The following INVS variants were observed in gnomAD, a reference collection of about 807,000 sequenced individuals.
INVS encodes the protein inversin.
A neutral mutation model predicts 108.8 loss-of-function variants in INVS; 86 were observed. The ratio of observed to expected loss-of-function variants is 0.79; its 90% CI spans 0.66 to 0.95. The LOEUF (loss-of-function observed/expected upper bound fraction) is 0.95, where lower values mean the gene tolerates loss of function less well. INVS is among the 40% of genes least tolerant of loss of function. INVS has a pLI of 0.00. For synonymous variants in INVS, 455 were observed against 473.5 expected, an observed-to-expected ratio of 0.96 and a Z score of 0.51; for missense variants, 1,169 against 1,297.4, an observed-to-expected ratio of 0.90 and a Z score of 1.52.
intron 10 of INVS, among the ~76,000 whole-genome samples, chr9:100,260,346 C>T (rs1297206939): frequency 6.6e-6 from 1 of 151,904 alleles, no homozygotes; most frequent in Non-Finnish European, 1.5e-5. Context: ...TGCACCACCA[C>T]ATCTGGCTAA....
chr9:100,218,689 A>G (rs1831059296), intron 3 of INVS, among the ~76,000 whole-genome samples: 2 of 152,218 alleles, frequency 1.3e-5, no homozygotes, highest in Non-Finnish European at 2.9e-5. Flanking sequence ...ATATTTGTGC[A>G]AAAGGCAAGA....
chr9:100,183,566 G>A (rs1404833116), intron 3 of INVS, among the ~76,000 whole-genome samples: 1 of 152,112 alleles, frequency 6.6e-6, no homozygotes, highest in African/African-American at 2.4e-5. Flanking sequence ...ACTGAGGAGG[G>A]CAGATCACCT....
chr9:100,292,849 A>G lies in INVS; in HGVS notation c.2592A>G (p.Thr864=), dbSNP rs372449448. 2 of 1,614,074 alleles carry G rather than the reference A, an allele frequency of 1.2e-6. No homozygotes were observed. The highest frequency in any genetic ancestry group is 1.7e-6 in the Non-Finnish European group (2 of 1,180,044). ...ELRSGARRLE[T]STLSEDFQVS... is the part of the protein sequence containing the mutation. The stretch of plus-strand genomic sequence containing the variant: ...GGTCAGGAGCTAGGAGGCTGGAGAC[A>G]TCTACCCTGTCCGAGGACTTTCAGG... Residue 864 remains threonine, a synonymous_variant, in exon 14 of 17, where the codon ACA becomes ACG. Transcript: ENST00000262457.
chr9:100,262,014 T>C (rs1431611613), intron 10 of INVS, among the ~76,000 whole-genome samples: 1 of 151,640 alleles, frequency 6.6e-6, no homozygotes, highest in African/African-American at 2.4e-5. Flanking sequence ...TCTTTTCTGT[T>C]AATATGGCAA....
At chr9:100,176,392 G>C (rs10819731) in intron 3 of INVS, among the ~76,000 whole-genome samples, 32,081 of 152,070 alleles carry the variant, frequency 0.21, 5,755 homozygotes, top group African/African-American at 0.49. Context: ...AGAACCTAGC[G>C]TCAAGAATAG....
intron 3 of INVS, among the ~76,000 whole-genome samples, chr9:100,185,925 C>T (rs948780855): frequency 2.6e-5 from 4 of 152,106 alleles, no homozygotes; most frequent in Admixed American, 1.3e-4. Flanking sequence ...ATATGTTCCA[C>T]ATTTTCTTCA....
intron 3 of INVS, among the ~76,000 whole-genome samples, chr9:100,212,793 T>A (rs1162645584): frequency 6.6e-6 from 1 of 152,176 alleles, no homozygotes; most frequent in Non-Finnish European, 1.5e-5. Flanking sequence ...AATCAGTGCT[T>A]CACATAACCT....
rs540801752 is a variant in INVS at position 100,225,590 on chromosome 9, C to T, written c.274-472C>T. Among the ~76,000 whole-genome samples, 9 of 152,218 alleles carry T rather than the reference C, an allele frequency of 5.9e-5. No individual in the cohort carries two copies. In the East Asian group the frequency reaches 1.4e-3, roughly 23 times the overall value. On this transcript the variant is annotated intron_variant, in intron 3 of 16. Coordinates refer to ENST00000262457, the MANE Select transcript of INVS (RefSeq NM_014425.5). ...GTCAAAATGTGCTGAAACTAATACACCTACACATTGCTGCTGTTAGATAGC... is the reference window on the plus strand; with the variant it reads ...GTCAAAATGTGCTGAAACTAATACATCTACACATTGCTGCTGTTAGATAGC...
intron 3 of INVS, chr9:100,175,393 CA>C (rs914271227): frequency 1.8e-5 from 15 of 856,464 alleles, no homozygotes; most frequent in Non-Finnish European, 1.6e-5. Flanking sequence ...AAGAGCACCG[CA>C]AAAAAGGAAG....
intron 3 of INVS, among the ~76,000 whole-genome samples, chr9:100,144,580 A>G (rs1056396771): frequency 2.3e-4 from 35 of 152,140 alleles, no homozygotes; most frequent in African/African-American, 8.2e-4. Flanking sequence ...AACCTTGACT[A>G]TGCCTTTAGC....
chr9:100,253,162 G>C (rs763513074), intron 10 of INVS, 26 bp downstream of exon 10: 16 of 1,542,286 alleles, frequency 1.0e-5, no homozygotes, highest in Non-Finnish European at 1.4e-5. Flanking sequence ...TTTCTATATT[G>C]TTTGCTCCAA....
chr9:100,214,351 G>A (rs914001250), intron 3 of INVS, among the ~76,000 whole-genome samples: 2 of 152,128 alleles, frequency 1.3e-5, no homozygotes, highest in African/African-American at 2.4e-5. Context: ...GGGCCAAAAA[G>A]CAACCCCCAA....
intron 3 of INVS, among the ~76,000 whole-genome samples, chr9:100,133,798 CACACACAT>C (rs1194887555): frequency 1.0e-4 from 15 of 148,156 alleles, no homozygotes; most frequent in African/African-American, 3.7e-4. Flanking sequence ...CACACACACA[CACACACAT>C]ACACACATCC....
intron 3 of INVS, among the ~76,000 whole-genome samples, chr9:100,218,353 G>T (rs1831051968): frequency 6.6e-6 from 1 of 152,180 alleles, no homozygotes; most frequent in Non-Finnish European, 1.5e-5. Flanking sequence ...AAAACATCTG[G>T]CCTCTTCAGT....
intron 12 of INVS, among the ~76,000 whole-genome samples, chr9:100,277,752 G>C (rs1009823734): frequency 3.9e-5 from 6 of 152,118 alleles, no homozygotes; most frequent in Non-Finnish European, 5.9e-5. Context: ...GGGAGTTAAA[G>C]ATCAACTATT....
rs1328540242 is a variant in INVS at position 100,226,042 on chromosome 9, A to G, written c.274-20A>G. 1 of 1,581,596 alleles carries G rather than the reference A, an allele frequency of 6.3e-7. No individual in the cohort carries two copies. The highest frequency in any genetic ancestry group is 8.6e-7 in the Non-Finnish European group (1 of 1,163,554). On this transcript the variant is annotated intron_variant, in intron 3 of 16. Transcript: ENST00000262457. ...CCCCATAGTACATTTTTTTCTTATC[A>G]TCTCTTGTTTTTTATTTAGGGAAAT...
At chr9:100,105,711 A>C (rs930350597) in intron 2 of INVS, among the ~76,000 whole-genome samples, 1 of 152,228 alleles carries the variant, frequency 6.6e-6, no homozygotes, top group Non-Finnish European at 1.5e-5. Flanking sequence ...GACAAACAAT[A>C]GTTTTCCATG....
rs370949695 is a variant in INVS, at chr9:100,292,457, C to T, written c.2200C>T (p.Arg734Trp). 1.7e-5 allele frequency: 27 copies of T among 1,614,000 alleles called. No individual in the cohort carries two copies. Among genetic ancestry groups the T allele is most frequent in the African/African-American group, 1.5e-4 (11 of 74,896 alleles). ...KSRGETAGDE[R>W]CAKGKGFVKQ... is the part of the protein sequence containing the mutation. ...CAGAGGTGAGACAGCTGGCGATGAGCGGTGTGCAAAGGGGAAAGGCTTCGT... is the reference window on the plus strand; with the variant it reads ...CAGAGGTGAGACAGCTGGCGATGAGTGGTGTGCAAAGGGGAAAGGCTTCGT... The change falls in exon 14 of 17, where the codon CGG becomes TGG. Residue 734 changes from arginine (R) to tryptophan (W), a missense_variant. Coordinates refer to ENST00000262457, the MANE Select transcript of INVS (RefSeq NM_014425.5).
At chr9:100,263,456 A>G (rs1405034545) in intron 10 of INVS, among the ~76,000 whole-genome samples, 1 of 152,068 alleles carries the variant, frequency 6.6e-6, no homozygotes, top group Non-Finnish European at 1.5e-5. Context: ...TGATGACCCC[A>G]TTCCTCCATC....
Sources: gnomAD v4.1 joint callset for allele counts (sites outside exome capture counted in the v4.1 genomes callset) on GRCh38, gnomAD v4.1.1 for gene constraint, MANE v1.5 for transcripts, NCBI Gene and HGNC (gene_info 2026-07-23, HGNC 2026-07-21) for gene names.